The following TMEM109 variants were observed in gnomAD, a reference collection of about 807,000 sequenced individuals.
The protein encoded by TMEM109 is transmembrane protein 109.
A neutral mutation model predicts 26.4 loss-of-function variants in TMEM109; 19 were observed. That is an observed-to-expected ratio of 0.72 (90% CI 0.50 to 1.06). The LOEUF (loss-of-function observed/expected upper bound fraction) is 1.06. Among genes scored for constraint, TMEM109 ranks in the 50% least tolerant of loss-of-function variants. The probability of loss-of-function intolerance (pLI) is 0.00; values close to 1 mark genes in which losing one functional copy is unlikely to be tolerated. For missense variants in TMEM109, 262 were observed against 303.4 expected (o/e 0.86, Z 1.01); for synonymous variants, 129 against 142.0 (o/e 0.91, Z 0.65).
chr11:60,917,661 G>A (rs1346995348), intron 1 of TMEM109, among the ~76,000 whole-genome samples: 1 of 152,042 alleles, frequency 6.6e-6, no homozygotes, highest in Non-Finnish European at 1.5e-5. Context: ...ATAATCTGTT[G>A]TGTGACTTTT....
rs1856218376 is a variant in TMEM109 at position 60,920,080 on chromosome 11, G to A, written c.237+150G>A. The A allele has an allele frequency of 3.6e-5, 24 of 666,154 alleles. No individual in the cohort carries two copies. In the Admixed American group the frequency reaches 6.2e-4, roughly 17 times the overall value. The allele number at this position is 666,154 out of a possible 1,614,324, so 41.3% of individuals were successfully genotyped here. ...AAGAAGCCACACAGCACTTGTCTTT[G>A]AATTCCTCGTTATTTGATTGCTGTC... On this transcript the variant is annotated intron_variant, in intron 2 of 3. Coordinates refer to ENST00000227525, the MANE Select transcript of TMEM109 (RefSeq NM_024092.3).
intron 1 of TMEM109, chr11:60,919,106 C>T (rs1385345924): frequency 6.4e-6 from 1 of 155,560 alleles, no homozygotes; most frequent in Non-Finnish European, 1.4e-5. Flanking sequence ...TTCTTCTCGT[C>T]TGTACCAGTA....
intron 1 of TMEM109, 106 bp from the exon 2 acceptor site, chr11:60,919,580 G>A: frequency 2.2e-6 from 2 of 911,552 alleles, no homozygotes; most frequent in Non-Finnish European, 3.5e-6. Context: ...GGGTTAGTTT[G>A]GTGCTTGCTT....
rs1351555768 is a variant in TMEM109 at position 60,920,991 on chromosome 11, G to A, written c.340+3G>A. The stretch of plus-strand genomic sequence containing the variant: ...GCTGAATGCCTTGGGACTAGCTGGT[G>A]AGTGTTCGAGTGCTGGGTAGTCAGC... On this transcript the variant is annotated splice_donor_region_variant and intron_variant, in intron 3 of 3. Coordinates refer to ENST00000227525, the MANE Select transcript of TMEM109 (RefSeq NM_024092.3). 9 of 1,612,982 alleles carry A rather than the reference G, an allele frequency of 5.6e-6. No individual in the cohort carries two copies. Among genetic ancestry groups the A allele is most frequent in the Non-Finnish European group, 6.8e-6 (8 of 1,179,136 alleles).
At position 60,914,965 on chromosome 11, in the gene TMEM109, A is replaced by G. The variant is rs188960186; in HGVS notation, c.-9+697A>G. ...GTGTGGCTGCTGTATATTTGGATCT[A>G]CTATTAAAATAACCTCCCTCCTCAC... is the stretch of plus-strand genomic sequence containing the variant. On this transcript the variant is annotated intron_variant, in intron 1 of 3. Coordinates refer to ENST00000227525, the MANE Select transcript of TMEM109 (RefSeq NM_024092.3). Among the ~76,000 whole-genome samples the G allele has an allele frequency of 2.5e-3, 387 of 151,788 alleles. 7 individuals carry two copies. Among genetic ancestry groups the G allele is most frequent in the Admixed American group, 0.02 (304 of 15,282 alleles).
At position 60,922,883 on chromosome 11, in the gene TMEM109, G is replaced by T; in HGVS notation, c.*718G>T. On this transcript the variant is annotated 3_prime_UTR_variant, in exon 4 of 4. Transcript: ENST00000227525. ...CTGTGGCTGCTTTGTGTCAAGAAAA[G>T]AGCAGTCACTCTCAGAATCTTGATT... 6.5e-6 allele frequency: 1 copy of T among 154,044 alleles called. No individual in the cohort carries two copies. The highest frequency in any genetic ancestry group is 6.4e-5 in the Admixed American group (1 of 15,576). 9.5% of individuals were successfully genotyped at this position (154,044 alleles called of 1,614,324 possible).
chr11:60,921,937 C>T lies in TMEM109; in HGVS notation c.504C>T (p.Phe168=). The change falls in exon 4 of 4, where the codon TTC becomes TTT. Residue 168 remains phenylalanine (F), a synonymous_variant. Coordinates refer to ENST00000227525, the MANE Select transcript of TMEM109 (RefSeq NM_024092.3). ...TGTGGGGCCTGAAGCTTGTCATCTT[C>T]CTGGCCGGCTTCGTGGCCCTGATGA... is the stretch of plus-strand genomic sequence containing the variant. ...RILWGLKLVI[F]LAGFVALMRS... 1.9e-6 allele frequency: 3 copies of T among 1,614,130 alleles called. No homozygotes were observed. The highest frequency in any genetic ancestry group is 2.5e-6 in the Non-Finnish European group (3 of 1,180,014).
At chr11:60,917,172 T>G (rs1271514841) in intron 1 of TMEM109, among the ~76,000 whole-genome samples, 1 of 152,136 alleles carries the variant, frequency 6.6e-6, no homozygotes, top group Non-Finnish European at 1.5e-5. Flanking sequence ...AATGTAGTAT[T>G]TTTAGAACCC....
rs1856249407 is a variant in TMEM109, at chr11:60,922,108, G to A, written c.675G>A (p.Glu225=). The change falls in exon 4 of 4, where the codon GAG becomes GAA. Residue 225 remains glutamate (E), a synonymous_variant. Coordinates refer to ENST00000227525, the MANE Select transcript of TMEM109 (RefSeq NM_024092.3). ...KVRGLERQVE[E]LRWRQRRAAK... ...GAGGGCTGGAACGCCAGGTGGAGGA[G>A]CTGCGCTGGCGCCAGAGGCGAGCGG... 1.2e-6 allele frequency: 2 copies of A among 1,612,382 alleles called. No individual in the cohort carries two copies. Among genetic ancestry groups the A allele is most frequent in the Non-Finnish European group, 8.5e-7 (1 of 1,179,622 alleles).
Position 60,919,732 on chromosome 11 carries a change from T to G in TMEM109, c.39T>G (p.His13Gln). 3.1e-6 allele frequency: 5 copies of G among 1,614,168 alleles called. No individual in the cohort carries two copies. The highest frequency in any genetic ancestry group is 3.4e-6 in the Non-Finnish European group (4 of 1,180,030). ...GCATCAGTTCACCATGGGGAAAGCA[T>G]GTGTTCAAAGCCATTCTGATGGTCC... Reference protein sequence around the residue: ...ASSISSPWGKHVFKAILMVLV... With the variant: ...ASSISSPWGKQVFKAILMVLV... Residue 13 changes from histidine (H) to glutamine (Q), a missense_variant, in exon 2 of 4, where the codon CAT becomes CAG. By Grantham distance (24) the His-to-Gln change is conservative. Transcript: ENST00000227525.
rs755241863 is a variant in TMEM109 at position 60,922,096 on chromosome 11, C to T, written c.663C>T (p.Arg221=). The T allele has an allele frequency of 3.1e-6, 5 of 1,612,998 alleles. No individual in the cohort carries two copies. Among genetic ancestry groups the T allele is most frequent in the Non-Finnish European group, 4.2e-6 (5 of 1,179,822 alleles). Reference sequence around the variant, plus strand: ...AGGCCAAGGTGCGAGGGCTGGAACGCCAGGTGGAGGAGCTGCGCTGGCGCC... The same window carrying T: ...AGGCCAAGGTGCGAGGGCTGGAACGTCAGGTGGAGGAGCTGCGCTGGCGCC... ...QLEAKVRGLE[R]QVEELRWRQR... Residue 221 remains arginine (R), a synonymous_variant, in exon 4 of 4, where the codon CGC becomes CGT. Coordinates refer to ENST00000227525, the MANE Select transcript of TMEM109 (RefSeq NM_024092.3).
chr11:60,915,943 A>T (rs145161753), intron 1 of TMEM109, among the ~76,000 whole-genome samples: 74 of 152,290 alleles, frequency 4.9e-4, no homozygotes, highest in Non-Finnish European at 9.3e-4. Flanking sequence ...CTGTCCTCTC[A>T]TACCTCTTGG....
chr11:60,915,540 G>A (rs918412868), intron 1 of TMEM109, among the ~76,000 whole-genome samples: 1 of 152,234 alleles, frequency 6.6e-6, no homozygotes, highest in Non-Finnish European at 1.5e-5. Flanking sequence ...GGGTGGGGCA[G>A]ACGTCCTTGT....
intron 1 of TMEM109, 95 bp from the exon 2 acceptor site, chr11:60,919,590 TG>T: frequency 1.9e-6 from 2 of 1,025,950 alleles, no homozygotes; most frequent in South Asian, 2.7e-5. Context: ...GGTGCTTGCT[TG>T]GGGTAGGGGT....
At position 60,922,656 on chromosome 11, in the gene TMEM109, G is replaced by A. The variant is rs985598334; in HGVS notation, c.*491G>A. 4 of 308,104 alleles carry A rather than the reference G, an allele frequency of 1.3e-5. 1 individual carries two copies. Among genetic ancestry groups the A allele is most frequent in the South Asian group, 8.9e-5 (3 of 33,766 alleles). The allele number at this position is 308,104 out of a possible 1,614,324, so 19.1% of individuals were successfully genotyped here. On this transcript the variant is annotated 3_prime_UTR_variant, in exon 4 of 4. Transcript: ENST00000227525. Reference sequence around the variant, plus strand: ...ACCAAACCATGGTCCTTTAAGGCACGCTCCTGTCCTCCTCATTGCCCAGCA... The same window carrying A: ...ACCAAACCATGGTCCTTTAAGGCACACTCCTGTCCTCCTCATTGCCCAGCA...
In TMEM109 at chr11:60,920,954, C is replaced by A. The variant is rs756084678; in HGVS notation, c.306C>A (p.Ile102=). 3.1e-6 allele frequency: 5 copies of A among 1,614,056 alleles called. No individual in the cohort carries two copies. Among genetic ancestry groups the A allele is most frequent in the Non-Finnish European group, 4.2e-6 (5 of 1,180,036 alleles). Residue 102 remains isoleucine, a synonymous_variant, in exon 3 of 4, where the codon ATC becomes ATA. Transcript: ENST00000227525. Reference sequence around the variant, plus strand: ...TGGCCTTCTTTGCTCTGTCTGGGATCGCCGCACAGCTGCTGAATGCCTTGG... The same window carrying A: ...TGGCCTTCTTTGCTCTGTCTGGGATAGCCGCACAGCTGCTGAATGCCTTGG... ...ISVAFFALSG[I]AAQLLNALGL... is the part of the protein sequence containing the mutation.
chr11:60,922,218 G>A lies in TMEM109; in HGVS notation c.*53G>A. The A allele has an allele frequency of 6.4e-7, 1 of 1,551,206 alleles. No homozygotes were observed. The highest frequency in any genetic ancestry group is 2.4e-5 in the East Asian group (1 of 40,934). On this transcript the variant is annotated 3_prime_UTR_variant, in exon 4 of 4. Transcript: ENST00000227525. ...CATACCAAAGAGCTGAGCTGCTTCG[G>A]GGCCATGCAGCCCTCCTGCCAGCCC...
chr11:60,922,271 A>G lies in TMEM109; in HGVS notation c.*106A>G, dbSNP rs1203879030. The G allele has an allele frequency of 6.5e-7, 1 of 1,545,378 alleles. No homozygotes were observed. On this transcript the variant is annotated 3_prime_UTR_variant, in exon 4 of 4. Coordinates refer to ENST00000227525, the MANE Select transcript of TMEM109 (RefSeq NM_024092.3). ...TGCCCTTTTCTTGCCCTGTCTCTGA[A>G]CCTTCAGAACATTGATCCTTGCCGC...
At chr11:60,918,136 G>A (rs916176384) in intron 1 of TMEM109, among the ~76,000 whole-genome samples, 18 of 152,182 alleles carry the variant, frequency 1.2e-4, no homozygotes, top group Admixed American at 2.6e-4. Flanking sequence ...ACACCTACCC[G>A]ATGGGCTGTT....
Sources: allele counts gnomAD v4.1 joint callset (sites outside exome capture counted in the v4.1 genomes callset), GRCh38; gene constraint gnomAD v4.1.1; transcripts MANE v1.5; gene names NCBI Gene and HGNC (gene_info 2026-07-23, HGNC 2026-07-21).